Variants in GRID2 observed in about 807,000 individuals in gnomAD.
The protein encoded by GRID2 is glutamate ionotropic receptor delta type subunit 2, also known as glutamate receptor ionotropic, delta-2.
Under a neutral mutation model 114.8 loss-of-function variants are expected in GRID2, and 33 were observed. The observed-to-expected ratio is 0.29, with a 90% CI of 0.22 to 0.38. The LOEUF is 0.38. Among genes scored for constraint, GRID2 ranks in the 10% least tolerant of loss-of-function variants. The pLI is 1.00. For missense variants in GRID2, 1,184 were observed against 1,257.7 expected, an observed-to-expected ratio of 0.94 and a Z score of 0.89; for synonymous variants, 505 against 449.9, an observed-to-expected ratio of 1.12 and a Z score of -1.55.
intron 13 of GRID2, among the ~76,000 whole-genome samples, chr4:93,574,147 G>T (rs1463218112): frequency 6.6e-6 from 1 of 152,086 alleles, no homozygotes; most frequent in Admixed American, 6.6e-5. Context: ...CCTATTCAAT[G>T]CCCATCTTTC....
At chr4:92,822,285 C>T in intron 2 of GRID2, 3 of 595,614 alleles carry the variant, frequency 5.0e-6, no homozygotes, top group Admixed American at 3.7e-5. Flanking sequence ...CATGGCATGG[C>T]ATGGCCAGCA....
intron 4 of GRID2, among the ~76,000 whole-genome samples, chr4:93,142,748 C>T (rs577933100): frequency 1.2e-4 from 19 of 152,208 alleles, no homozygotes; most frequent in African/African-American, 2.2e-4. Context: ...CTGAAAGGAC[C>T]GTGAGGTTTC....
At chr4:92,882,833 G>T (rs1746120276) in intron 2 of GRID2, among the ~76,000 whole-genome samples, 1 of 152,190 alleles carries the variant, frequency 6.6e-6, no homozygotes, top group Non-Finnish European at 1.5e-5. Context: ...ACCTTTGGTG[G>T]TTAAAAAATG....
chr4:92,452,300 C>T (rs1475198144), intron 1 of GRID2, among the ~76,000 whole-genome samples: 1 of 151,414 alleles, frequency 6.6e-6, no homozygotes. Context: ...GCAAATTTAG[C>T]AAGGGTAAAT....
chr4:93,457,515 C>T (rs1723316942), intron 11 of GRID2, among the ~76,000 whole-genome samples: 1 of 151,900 alleles, frequency 6.6e-6, no homozygotes, highest in Non-Finnish European at 1.5e-5. Flanking sequence ...TCAAATTTTA[C>T]TCTAGAAATA....
intron 6 of GRID2, among the ~76,000 whole-genome samples, chr4:93,217,477 G>A (rs1208928116): frequency 6.6e-6 from 1 of 152,026 alleles, no homozygotes; most frequent in Non-Finnish European, 1.5e-5. Flanking sequence ...AGAACACCAA[G>A]TCCCTGTAGC....
At position 92,673,663 on chromosome 4, in the gene GRID2, G is replaced by T. The variant is rs183706449; in HGVS notation, c.244+83377G>T. ...TCTAAGACAGATTTACTTTATTTCTGTGTTCTTTCAGCATCTTAAAATTTT... is the reference window on the plus strand; with the variant it reads ...TCTAAGACAGATTTACTTTATTTCTTTGTTCTTTCAGCATCTTAAAATTTT... On this transcript the variant is annotated intron_variant, in intron 2 of 15. Transcript: ENST00000282020. Among the ~76,000 whole-genome samples the T allele has an allele frequency of 4.6e-3, 699 of 152,106 alleles. 1 individual carries two copies. Among genetic ancestry groups the T allele is most frequent in the Non-Finnish European group, 7.9e-3 (535 of 67,988 alleles).
intron 13 of GRID2, among the ~76,000 whole-genome samples, chr4:93,592,460 G>T (rs1338627996): frequency 6.6e-6 from 1 of 152,128 alleles, no homozygotes; most frequent in African/African-American, 2.4e-5. Flanking sequence ...ATTTGCTGAG[G>T]AGTGCTTTAC....
At chr4:92,892,491 G>A (rs956560768) in intron 2 of GRID2, among the ~76,000 whole-genome samples, 3 of 151,948 alleles carry the variant, frequency 2.0e-5, no homozygotes, top group African/African-American at 7.3e-5. Flanking sequence ...TTTCTTCATT[G>A]TTGTGGAAAT....
At chr4:92,735,929 G>A (rs997363683) in intron 2 of GRID2, among the ~76,000 whole-genome samples, 4 of 152,042 alleles carry the variant, frequency 2.6e-5, no homozygotes, top group Non-Finnish European at 5.9e-5. Flanking sequence ...TAAAGAAAAA[G>A]TTCTAGCTTA....
chr4:93,624,282 G>A (rs1286829294), intron 13 of GRID2, among the ~76,000 whole-genome samples: 1 of 151,816 alleles, frequency 6.6e-6, no homozygotes, highest in Non-Finnish European at 1.5e-5. Context: ...TGATAATTTT[G>A]TCTCTACTGG....
chr4:92,788,047 A>G (rs1739405064), intron 2 of GRID2, among the ~76,000 whole-genome samples: 1 of 151,798 alleles, frequency 6.6e-6, no homozygotes, highest in African/African-American at 2.4e-5. Context: ...CAAGAGGGTG[A>G]TCTAGGCCTA....
intron 2 of GRID2, among the ~76,000 whole-genome samples, chr4:92,794,462 C>A (rs770345945): frequency 1.3e-5 from 2 of 151,876 alleles, no homozygotes; most frequent in Non-Finnish European, 2.9e-5. Flanking sequence ...AAACAAGATT[C>A]TCTTCCATGT....
intron 2 of GRID2, among the ~76,000 whole-genome samples, chr4:92,724,090 C>G (rs565503929): frequency 1.3e-5 from 2 of 151,960 alleles, no homozygotes; most frequent in African/African-American, 2.4e-5. Context: ...TAATTTGACA[C>G]CCTAATGGTA....
chr4:93,396,651 C>T (rs1248335974), intron 9 of GRID2, among the ~76,000 whole-genome samples: 2 of 152,102 alleles, frequency 1.3e-5, no homozygotes, highest in East Asian at 3.9e-4. Flanking sequence ...TAAGAAGAGT[C>T]TACTGTATAC....
At chr4:93,612,435 T>C (rs1741047890) in intron 13 of GRID2, among the ~76,000 whole-genome samples, 1 of 140,558 alleles carries the variant, frequency 7.1e-6, no homozygotes, top group Non-Finnish European at 1.6e-5. Flanking sequence ...GGCATGATTT[T>C]GCAGCGGCTG....
At chr4:93,688,960 ATATGACTG>A (rs1335606244) in intron 14 of GRID2, among the ~76,000 whole-genome samples, 1 of 152,102 alleles carries the variant, frequency 6.6e-6, no homozygotes, top group African/African-American at 2.4e-5. Context: ...GTACTTCAGA[ATATGACTG>A]TATTTAAAGA....
rs1220664817 is a variant in GRID2 at position 93,783,934 on chromosome 4, T to C, written c.221+14484T>C. 2.7e-5 allele frequency among the ~76,000 whole-genome samples: 4 copies of C among 148,996 alleles called. No individual in the cohort carries two copies. The East Asian group carries it at 7.9e-4, about 29-fold the overall frequency. On this transcript the variant is annotated intron_variant, in intron 1 of 1. Transcript: ENST00000637838. ...AAAAATACAAAAAATTAGCCAGGCG[T>C]AGTGGCGGGCGCCTGTAGTCCCAGC... is the stretch of plus-strand genomic sequence containing the variant.
intron 4 of GRID2, among the ~76,000 whole-genome samples, chr4:93,186,758 C>G (rs1740463631): frequency 6.6e-6 from 1 of 151,968 alleles, no homozygotes. Context: ...ATGAAGTTAC[C>G]CTTACCCCCC....
Sources: allele counts gnomAD v4.1 joint callset (sites outside exome capture counted in the v4.1 genomes callset), GRCh38; gene constraint gnomAD v4.1.1; transcripts MANE v1.5; gene names NCBI Gene and HGNC (gene_info 2026-07-23, HGNC 2026-07-21).